Variants in FMNL3 observed in about 807,000 individuals in gnomAD.
The protein encoded by FMNL3 is formin-like protein 3.
In FMNL3, 57 loss-of-function variants were observed where a neutral mutation model predicts 119.6. The ratio of observed to expected loss-of-function variants is 0.48; its 90% CI spans 0.39 to 0.59. FMNL3 has a LOEUF of 0.59. Ranked by LOEUF, FMNL3 falls within the 20% of genes least tolerant of loss-of-function variation. FMNL3 has a pLI of 0.00. For synonymous variants in FMNL3, 491 were observed against 507.3 expected (o/e 0.97, Z 0.43); for missense variants, 1,053 against 1,323.5 (o/e 0.80, Z 3.17).
intron 1 of FMNL3, among the ~76,000 whole-genome samples, chr12:49,678,727 T>C (rs982159213): frequency 1.3e-5 from 2 of 152,160 alleles, no homozygotes; most frequent in Non-Finnish European, 1.5e-5. Flanking sequence ...CCTCCCAAAA[T>C]TTTAAGACTA....
intron 4 of FMNL3, among the ~76,000 whole-genome samples, chr12:49,664,839 G>A (rs906741217): frequency 6.6e-6 from 1 of 152,076 alleles, no homozygotes; most frequent in Non-Finnish European, 1.5e-5. Flanking sequence ...CCCTGGGGGC[G>A]GATGAGGGCT....
intron 5 of FMNL3, chr12:49,661,754 C>T: frequency 1.7e-6 from 1 of 577,228 alleles, no homozygotes; most frequent in African/African-American, 1.9e-5. Flanking sequence ...TGCATCTTAT[C>T]TTCTACTCCA....
rs183607130 is a variant in FMNL3 at position 49,640,614 on chromosome 12, G to A, written c.*5201C>T. ...TTACTCCTGGTTGCTTATTGGCTCTGAGACCTCCGTAAGTTCCGTGTCTCT... is the reference window on the plus strand; with the variant it reads ...TTACTCCTGGTTGCTTATTGGCTCTAAGACCTCCGTAAGTTCCGTGTCTCT... On this transcript the variant is annotated 3_prime_UTR_variant, in exon 26 of 26. Coordinates refer to ENST00000335154, the MANE Select transcript of FMNL3 (RefSeq NM_175736.5). 13 of 152,312 alleles carry A rather than the reference G, an allele frequency of 8.5e-5. No homozygotes were observed. The highest frequency in any genetic ancestry group is 5.2e-4 in the Admixed American group (8 of 15,306). The allele number at this position is 152,312 out of a possible 1,614,324, so 9.4% of individuals were successfully genotyped here. A position where few individuals can be genotyped will look rare whatever the true frequency, so the allele number is the denominator to read the frequency against.
Position 49,649,889 on chromosome 12 carries a change from C to G in FMNL3, c.2037G>C (p.Glu679Asp). The G allele has an allele frequency of 1.2e-6, 2 of 1,614,066 alleles. No individual in the cohort carries two copies. Among genetic ancestry groups the G allele is most frequent in the Non-Finnish European group, 1.7e-6 (2 of 1,180,030 alleles). The change falls in exon 18 of 26, where the codon GAG becomes GAC. Residue 679 changes from glutamate (E) to aspartate (D), a missense_variant. Physicochemically the swap from Glu to Asp is conservative, Grantham distance 45 (BLOSUM62 2). Coordinates refer to ENST00000335154, the MANE Select transcript of FMNL3 (RefSeq NM_175736.5). This position sits in a 1 kb window ranked among gnomAD's most constrained non-coding sequence, Gnocchi z 5.6. ...CTGTGGGCAGGAAGCGCATCAGGCA[C>G]TCCACGAAGTCCACAGGTAGTGTCT... ...DLQTLPVDFV[E>D]CLMRFLPTEA...
At chr12:49,663,642 C>CCT (rs1943802767) in intron 4 of FMNL3, among the ~76,000 whole-genome samples, 1 of 152,262 alleles carries the variant, frequency 6.6e-6, no homozygotes, top group Non-Finnish European at 1.5e-5. Context: ...AGGTCCAGGA[C>CCT]CTCTAACTTG....
chr12:49,641,887 C>T lies in FMNL3; in HGVS notation c.*3928G>A. 6.2e-7 allele frequency: 1 copy of T among 1,607,632 alleles called. No individual in the cohort carries two copies. Among genetic ancestry groups the T allele is most frequent in the Non-Finnish European group, 8.5e-7 (1 of 1,175,946 alleles). ...CCTCAGGCACGTGGTGCCCCTGCTT[C>T]ATGCACTGCTGTACCCACAGGACCG... On this transcript the variant is annotated 3_prime_UTR_variant, in exon 26 of 26. Transcript: ENST00000335154.
Position 49,652,285 on chromosome 12 carries a change from C to T in FMNL3, c.1324-73G>A, listed in dbSNP as rs189934013. 188 of 1,522,276 alleles carry T rather than the reference C, an allele frequency of 1.2e-4. No homozygotes were observed. The African/African-American group carries it at 2.2e-3, about 18-fold the overall frequency. 94.3% of individuals were successfully genotyped at this position (1,522,276 alleles called of 1,614,324 possible). A position where few individuals can be genotyped will look rare whatever the true frequency, so the allele number is the denominator to read the frequency against. On this transcript the variant is annotated intron_variant, in intron 13 of 25. Coordinates refer to ENST00000335154, the MANE Select transcript of FMNL3 (RefSeq NM_175736.5). Reference sequence around the variant, plus strand: ...GTCATTGCCCCAAGAGTGAGAATTCCTACCCAGGGTTCTCTTAACGAGGGT... The same window carrying T: ...GTCATTGCCCCAAGAGTGAGAATTCTTACCCAGGGTTCTCTTAACGAGGGT...
At chr12:49,646,542 G>A in intron 25 of FMNL3, 1 of 952,738 alleles carries the variant, frequency 1.0e-6, no homozygotes, top group Non-Finnish European at 1.5e-6. Flanking sequence ...CTGCCAGAGG[G>A]TGATTGCAAG....
intron 10 of FMNL3, 107 bp downstream of exon 10, chr12:49,654,802 TG>T: frequency 9.5e-7 from 1 of 1,049,746 alleles, no homozygotes; most frequent in Non-Finnish European, 1.4e-6. Flanking sequence ...AGAATCATTC[TG>T]GGCTCTACGT....
At chr12:49,656,338 C>T in intron 9 of FMNL3, 66 bp downstream of exon 9, 1 of 1,326,772 alleles carries the variant, frequency 7.5e-7, no homozygotes, top group South Asian at 1.3e-5. Context: ...ATGGTGCTTA[C>T]CAACCTAGCT....
In FMNL3 at chr12:49,666,218, A is replaced by G; in HGVS notation, c.211-11T>C. 1.2e-6 allele frequency: 2 copies of G among 1,611,902 alleles called. No individual in the cohort carries two copies. The highest frequency in any genetic ancestry group is 8.5e-7 in the Non-Finnish European group (1 of 1,178,594). The stretch of plus-strand genomic sequence containing the variant: ...CACCTGGAATCGTTCCTGTAAGGGA[A>G]ACATGCATATGCGTATCCACAAAGA... On this transcript the variant is annotated splice_polypyrimidine_tract_variant and intron_variant, in intron 2 of 25. Coordinates refer to ENST00000335154, the MANE Select transcript of FMNL3 (RefSeq NM_175736.5).
At position 49,656,789 on chromosome 12, in the gene FMNL3, A is replaced by G. The variant is rs373964916; in HGVS notation, c.791+34T>C. ...AGTACAGATCTCCAGAGCCCTGGAC[A>G]GAGTGGGGAGGAAAGGGGAGGGAAG... On this transcript the variant is annotated intron_variant, in intron 8 of 25. Coordinates refer to ENST00000335154, the MANE Select transcript of FMNL3 (RefSeq NM_175736.5). 8 of 1,572,838 alleles carry G rather than the reference A, an allele frequency of 5.1e-6. No individual in the cohort carries two copies. The African/African-American group carries it at 1.1e-4, about 21-fold the overall frequency.
rs779386270 is a variant in FMNL3, at chr12:49,654,217, T to C, written c.1046A>G (p.Lys349Arg). The C allele has an allele frequency of 1.9e-6, 3 of 1,614,142 alleles. No individual in the cohort carries two copies. The highest frequency in any genetic ancestry group is 1.7e-6 in the Non-Finnish European group (2 of 1,180,030). ...FRVHLQYEFT[K>R]LGLEEFLQKS... ...CTGCAGGAACTCCTCTAGCCCCAGC[T>C]TGGTAAACTCATACTGCAGGTGGAC... Residue 349 changes from lysine to arginine, a missense_variant, in exon 11 of 26, where the codon AAG becomes AGG. Physicochemically the swap from Lys to Arg is conservative, Grantham distance 26. Around this residue, in one of 4 missense-constraint regions of FMNL3, gnomAD observed 445 missense variants for 628.4 expected, o/e 0.71. Transcript: ENST00000335154.
chr12:49,696,680 T>G (rs1438330492), intron 1 of FMNL3, among the ~76,000 whole-genome samples: 2 of 152,264 alleles, frequency 1.3e-5, no homozygotes, highest in East Asian at 3.8e-4. Flanking sequence ...GGTTGAGGGC[T>G]AGGGCCCTAG....
At chr12:49,681,606 G>A (rs1030548693) in intron 1 of FMNL3, among the ~76,000 whole-genome samples, 9 of 152,226 alleles carry the variant, frequency 5.9e-5, no homozygotes, top group African/African-American at 1.9e-4. Context: ...TGCCCAGGCT[G>A]GAGTGCAGCG....
intron 9 of FMNL3, 149 bp downstream of exon 9, chr12:49,656,255 A>C: frequency 1.7e-6 from 1 of 590,236 alleles, no homozygotes; most frequent in Admixed American, 3.2e-5. Flanking sequence ...TGGTTTTAAA[A>C]ATACTGGGAG....
intron 1 of FMNL3, among the ~76,000 whole-genome samples, chr12:49,673,781 G>A (rs1314123683): frequency 3.9e-4 from 59 of 152,278 alleles, no homozygotes; most frequent in Admixed American, 3.9e-3. Flanking sequence ...CAGGCCAGCC[G>A]GCCCAGCCCA....
At chr12:49,677,844 G>C (rs1944231978) in intron 1 of FMNL3, among the ~76,000 whole-genome samples, 1 of 152,266 alleles carries the variant, frequency 6.6e-6, no homozygotes, top group Non-Finnish European at 1.5e-5. Context: ...CTTCCTGAAA[G>C]AAATGTCACA....
At position 49,652,014 on chromosome 12, in the gene FMNL3, G is replaced by T; in HGVS notation, c.1522C>A (p.Pro508Thr). The stretch of plus-strand genomic sequence containing the variant: ...AGGACCTCCTCAGGGGGTGGGGCTG[G>T]AGCCAGAAGGTCCAGGTCGGAGGGT... Reference protein sequence around the residue: ...MPPSDLDLLAPAPPPEEVLPL... With the variant: ...MPPSDLDLLATAPPPEEVLPL... The change falls in exon 14 of 26, where the codon CCA becomes ACA. Residue 508 changes from proline to threonine, a missense_variant. Around this residue, in one of 4 missense-constraint regions of FMNL3, gnomAD observed 445 missense variants for 628.4 expected, o/e 0.71. Transcript: ENST00000335154. The T allele has an allele frequency of 6.2e-7, 1 of 1,607,286 alleles. No individual in the cohort carries two copies.
Sources: gnomAD v4.1 joint callset for allele counts (sites outside exome capture counted in the v4.1 genomes callset) on GRCh38, gnomAD v4.1.1 for gene constraint, gnomAD v4.1.1 regional missense constraint, Gnocchi (gnomAD v3.1) non-coding constraint, MANE v1.5 for transcripts, NCBI Gene and HGNC (gene_info 2026-07-23, HGNC 2026-07-21) for gene names.